Variants in NAALADL2 observed in about 807,000 individuals in gnomAD.
NAALADL2 encodes the protein inactive N-acetylated-alpha-linked acidic dipeptidase-like protein 2.
Under a neutral mutation model 87.2 loss-of-function variants are expected in NAALADL2, and 76 were observed. The observed-to-expected ratio is 0.87, with a 90% CI of 0.72 to 1.05. NAALADL2 has a LOEUF of 1.05. Ranked by LOEUF, NAALADL2 falls within the 50% of genes least tolerant of loss-of-function variation. The pLI is 0.00. For missense variants in NAALADL2, 1,089 were observed against 945.8 expected (o/e 1.15, Z -1.99); for synonymous variants, 354 against 331.0 (o/e 1.07, Z -0.75).
intron 10 of NAALADL2, among the ~76,000 whole-genome samples, chr3:175,588,601 C>T (rs553241911): frequency 7.4e-5 from 10 of 134,676 alleles, no homozygotes; most frequent in South Asian, 2.4e-4. Context: ...TGCAGTGGCA[C>T]GATCTCGGCT....
intron 8 of NAALADL2, 96 bp from the exon 9 acceptor site, chr3:175,471,543 G>T: frequency 1.3e-5 from 9 of 670,900 alleles, no homozygotes; most frequent in Non-Finnish European, 2.3e-5. Flanking sequence ...ATAATTTTAA[G>T]TATGAAATGA....
intron 6 of NAALADL2, among the ~76,000 whole-genome samples, chr3:175,462,512 A>G (rs73884416): frequency 0.013 from 1,940 of 152,298 alleles, 30 homozygotes; most frequent in African/African-American, 0.043. Context: ...TGACATTTGT[A>G]GGCCTGCCAG....
intron 1 of NAALADL2, among the ~76,000 whole-genome samples, chr3:174,448,291 T>C (rs1055831245): frequency 2.6e-5 from 4 of 152,244 alleles, no homozygotes; most frequent in African/African-American, 9.6e-5. Flanking sequence ...TGTATAGTTC[T>C]GTGTCATTTC....
At chr3:174,815,739 CA>C (rs1463094556) in intron 3 of NAALADL2, among the ~76,000 whole-genome samples, 1 of 148,880 alleles carries the variant, frequency 6.7e-6, no homozygotes, top group African/African-American at 2.4e-5. Context: ...TATAAAAATA[CA>C]AAATGTGATG....
In NAALADL2 at chr3:175,784,435, A is replaced by G. The variant is rs1294226391; in HGVS notation, c.2190-18570A>G. Among the ~76,000 whole-genome samples, 409 of 143,208 alleles carry G rather than the reference A, an allele frequency of 2.9e-3. 4 individuals carry two copies. Among genetic ancestry groups the G allele is most frequent in the Non-Finnish European group, 2.6e-3 (171 of 65,758 alleles). 94.0% of individuals were successfully genotyped at this position (143,208 alleles called of 152,430 possible). ...CTTCTTCCTGGTTTAGTCTTGGGAG[A>G]GTGTATGTGTCGAGGAATTTATCCA... On this transcript the variant is annotated intron_variant, in intron 13 of 13. Transcript: ENST00000454872.
At chr3:175,054,896 T>A (rs1711790750) in intron 1 of NAALADL2, among the ~76,000 whole-genome samples, 1 of 152,164 alleles carries the variant, frequency 6.6e-6, no homozygotes, top group Non-Finnish European at 1.5e-5. Context: ...AACTTATAGG[T>A]ACAGAAGTTA....
intron 3 of NAALADL2, among the ~76,000 whole-genome samples, chr3:174,766,572 C>T (rs1689587870): frequency 6.6e-6 from 1 of 152,176 alleles, no homozygotes; most frequent in East Asian, 1.9e-4. Flanking sequence ...TTAACAAATG[C>T]CTGTACCATG....
chr3:174,490,565 A>G (rs1281638392), intron 1 of NAALADL2, among the ~76,000 whole-genome samples: 1 of 152,164 alleles, frequency 6.6e-6, no homozygotes, highest in Non-Finnish European at 1.5e-5. Flanking sequence ...GATCTCAATA[A>G]AGATCTTTTT....
At chr3:175,615,141 GC>G (rs1412943706) in intron 10 of NAALADL2, among the ~76,000 whole-genome samples, 1 of 152,076 alleles carries the variant, frequency 6.6e-6, no homozygotes, top group Non-Finnish European at 1.5e-5. Flanking sequence ...ATAACTTTCT[GC>G]ATTATTATTA....
chr3:175,361,202 CT>C (rs910874334), intron 5 of NAALADL2, among the ~76,000 whole-genome samples: 43 of 151,932 alleles, frequency 2.8e-4, no homozygotes, highest in Middle Eastern at 3.4e-3. Flanking sequence ...TGAACTCATC[CT>C]TTTTATGGCT....
chr3:175,293,286 T>G (rs2110160629), intron 4 of NAALADL2, among the ~76,000 whole-genome samples: 1 of 152,288 alleles, frequency 6.6e-6, no homozygotes, highest in Middle Eastern at 3.4e-3. Flanking sequence ...ACTACAAGGC[T>G]TTAGAGTAGC....
At position 175,422,513 on chromosome 3, in the gene NAALADL2, G is replaced by C. The variant is rs546972599; in HGVS notation, c.1091-24716G>C. On this transcript the variant is annotated intron_variant, in intron 5 of 13. Transcript: ENST00000454872. ...TAACCTTACATAAAGGCTGTCTCTTGTTGGAGAAATATAATTAAAAACAAA... is the reference window on the plus strand; with the variant it reads ...TAACCTTACATAAAGGCTGTCTCTTCTTGGAGAAATATAATTAAAAACAAA... 5.0e-4 allele frequency among the ~76,000 whole-genome samples: 76 copies of C among 151,934 alleles called. No homozygotes were observed. The East Asian group carries it at 6.0e-3, about 12-fold the overall frequency.
At chr3:174,605,124 T>G (rs1718865893) in intron 2 of NAALADL2, among the ~76,000 whole-genome samples, 1 of 152,194 alleles carries the variant, frequency 6.6e-6, no homozygotes, top group Admixed American at 6.5e-5. Flanking sequence ...TATTTAAAGC[T>G]GATTACAACA....
At chr3:175,400,814 G>A (rs185867926) in intron 5 of NAALADL2, among the ~76,000 whole-genome samples, 59 of 152,094 alleles carry the variant, frequency 3.9e-4, no homozygotes, top group Middle Eastern at 3.4e-3. Context: ...ATTTTCAACT[G>A]GGCCTAGACA....
At chr3:175,555,588 T>C (rs540419217) in intron 9 of NAALADL2, among the ~76,000 whole-genome samples, 1 of 152,176 alleles carries the variant, frequency 6.6e-6, no homozygotes, top group Non-Finnish European at 1.5e-5. Context: ...ACATATTTGT[T>C]CATAAGTTAT....
upstream of NAALADL2, among the ~76,000 whole-genome samples, chr3:174,857,721 C>T (rs1726007273): frequency 6.6e-6 from 1 of 152,062 alleles, no homozygotes; most frequent in South Asian, 2.1e-4. Flanking sequence ...AAGGGTTATT[C>T]TATTCTGGAG....
intron 3 of NAALADL2, among the ~76,000 whole-genome samples, chr3:174,791,012 A>G (rs1717399176): frequency 1.3e-5 from 2 of 152,190 alleles, no homozygotes; most frequent in South Asian, 2.1e-4. Context: ...ACTACAGGAA[A>G]GAGCAGTTTC....
chr3:174,514,919 G>T (rs1384001001), intron 1 of NAALADL2, among the ~76,000 whole-genome samples: 1 of 151,996 alleles, frequency 6.6e-6, no homozygotes, highest in Non-Finnish European at 1.5e-5. Flanking sequence ...AGAAATACTG[G>T]CTTGCTACCT....
At chr3:175,360,187 A>G (rs1163523688) in intron 5 of NAALADL2, among the ~76,000 whole-genome samples, 1 of 152,098 alleles carries the variant, frequency 6.6e-6, no homozygotes, top group African/African-American at 2.4e-5. Context: ...CAGATTAGCC[A>G]TGTGGTATTA....
Sources: allele counts gnomAD v4.1 joint callset (sites outside exome capture counted in the v4.1 genomes callset), GRCh38; gene constraint gnomAD v4.1.1; transcripts MANE v1.5; gene names NCBI Gene and HGNC (gene_info 2026-07-23, HGNC 2026-07-21).